Variants in GRID2 observed in about 807,000 individuals in gnomAD.
GRID2 encodes the protein glutamate receptor ionotropic, delta-2.
Under a neutral mutation model 114.8 loss-of-function variants are expected in GRID2, and 33 were observed. That is an observed-to-expected ratio of 0.29 (90% confidence interval 0.22 to 0.38). GRID2 has a LOEUF of 0.38. Ranked by LOEUF, GRID2 falls within the 10% of genes least tolerant of loss-of-function variation. The pLI is 1.00. For missense variants in GRID2, 1,184 were observed against 1,257.7 expected (o/e 0.94, Z 0.89); for synonymous variants, 505 against 449.9 (o/e 1.12, Z -1.55).
chr4:92,502,861 G>A (rs1207166288), intron 1 of GRID2, among the ~76,000 whole-genome samples: 1 of 151,746 alleles, frequency 6.6e-6, no homozygotes, highest in Non-Finnish European at 1.5e-5. Flanking sequence ...GGGATTATAG[G>A]CGCCTGCCAC....
intron 8 of GRID2, among the ~76,000 whole-genome samples, chr4:93,325,403 C>G (rs1757718723): frequency 6.6e-6 from 1 of 152,040 alleles, no homozygotes; most frequent in South Asian, 2.1e-4. Context: ...TCACTCTGCT[C>G]TAATTCTGGA....
At chr4:92,964,906 C>T (rs200085511) in intron 2 of GRID2, among the ~76,000 whole-genome samples, 1 of 152,010 alleles carries the variant, frequency 6.6e-6, no homozygotes, top group East Asian at 1.9e-4. Context: ...TCCGTGTGTT[C>T]ACTATAATAG....
At chr4:93,016,884 A>G (rs1044907372) in intron 2 of GRID2, among the ~76,000 whole-genome samples, 1 of 151,918 alleles carries the variant, frequency 6.6e-6, no homozygotes, top group East Asian at 1.9e-4. Context: ...AATTTTGTCT[A>G]TTTTTTTTAA....
intron 13 of GRID2, among the ~76,000 whole-genome samples, chr4:93,614,842 A>T (rs1213359778): frequency 6.6e-6 from 1 of 152,250 alleles, no homozygotes; most frequent in African/African-American, 2.4e-5. Context: ...CTAATTTAAC[A>T]GATATTAACT....
intron 2 of GRID2, among the ~76,000 whole-genome samples, chr4:92,704,441 A>G (rs1226906089): frequency 6.6e-6 from 1 of 152,196 alleles, no homozygotes; most frequent in Non-Finnish European, 1.5e-5. Flanking sequence ...TGTTAAAATG[A>G]GAACACATTT....
chr4:93,625,850 G>T (rs976918905), intron 13 of GRID2, among the ~76,000 whole-genome samples: 1 of 152,296 alleles, frequency 6.6e-6, no homozygotes, highest in African/African-American at 2.4e-5. Context: ...GGGAGGTGGA[G>T]CTTGCAGTGA....
chr4:92,582,309 T>C (rs1163817551), intron 1 of GRID2, among the ~76,000 whole-genome samples: 1 of 152,020 alleles, frequency 6.6e-6, no homozygotes, highest in Non-Finnish European at 1.5e-5. Context: ...AGAGATTTGT[T>C]CTGAATTCTG....
chr4:93,048,554 T>C (rs1726387171), intron 2 of GRID2, among the ~76,000 whole-genome samples: 1 of 152,036 alleles, frequency 6.6e-6, no homozygotes, highest in Non-Finnish European at 1.5e-5. Flanking sequence ...GAGGAACTTT[T>C]CCCTTTTCAA....
intron 14 of GRID2, among the ~76,000 whole-genome samples, chr4:93,651,534 T>C (rs1722581057): frequency 6.6e-6 from 1 of 152,180 alleles, no homozygotes; most frequent in Non-Finnish European, 1.5e-5. Flanking sequence ...AGGCAGAGCA[T>C]TTAATGGGGA....
intron 8 of GRID2, among the ~76,000 whole-genome samples, chr4:93,269,292 A>G (rs1243036861): frequency 5.3e-5 from 8 of 152,206 alleles, no homozygotes; most frequent in Non-Finnish European, 4.4e-5. Context: ...AAATAGGATC[A>G]GGCATTTTTA....
intron 2 of GRID2, among the ~76,000 whole-genome samples, chr4:92,971,200 A>G (rs1355015843): frequency 1.3e-5 from 2 of 152,068 alleles, no homozygotes; most frequent in African/African-American, 4.8e-5. Context: ...AAATCTCTGT[A>G]GGGAGCATTC....
chr4:93,258,856 C>A lies in GRID2; in HGVS notation c.1245+20366C>A, dbSNP rs139515940. 2.9e-5 allele frequency: 13 copies of A among 452,260 alleles called. 1 individual carries two copies. The highest frequency in any genetic ancestry group is 3.3e-4 in the Middle Eastern group (1 of 3,032). The allele number at this position is 452,260 out of a possible 1,614,324, so 28.0% of individuals were successfully genotyped here. ...TGAAAGTAATTAACAAACACAACTA[C>A]TGCAAGATTCATTTATTATCCTCTC... On this transcript the variant is annotated intron_variant, in intron 8 of 15. Coordinates refer to ENST00000282020, the MANE Select transcript of GRID2 (RefSeq NM_001510.4).
At chr4:92,410,835 A>AT (rs5860274) in intron 1 of GRID2, among the ~76,000 whole-genome samples, 33,241 of 117,820 alleles carry the variant, frequency 0.28, 5,196 homozygotes, top group African/African-American at 0.39. Context: ...CTGCAAAAGC[A>AT]TTTTTTTTTT....
intron 2 of GRID2, among the ~76,000 whole-genome samples, chr4:92,899,331 T>G (rs1449472306): frequency 6.6e-6 from 1 of 152,148 alleles, no homozygotes; most frequent in Non-Finnish European, 1.5e-5. Flanking sequence ...CTATATTATG[T>G]TTTTATTTTT....
intron 14 of GRID2, among the ~76,000 whole-genome samples, chr4:93,727,973 G>T (rs937951929): frequency 2.6e-5 from 4 of 152,040 alleles, no homozygotes; most frequent in Admixed American, 6.6e-5. Context: ...GGTTTTTTGT[G>T]TCTCTATGTC....
At chr4:93,135,476 T>C (rs1382597521) in intron 4 of GRID2, among the ~76,000 whole-genome samples, 3 of 152,200 alleles carry the variant, frequency 2.0e-5, no homozygotes, top group African/African-American at 7.2e-5. Flanking sequence ...ACTTTTTCAC[T>C]TTTTAAAAAT....
intron 3 of GRID2, among the ~76,000 whole-genome samples, chr4:93,089,639 T>G (rs1730609302): frequency 6.6e-6 from 1 of 152,012 alleles, no homozygotes; most frequent in Non-Finnish European, 1.5e-5. Flanking sequence ...AATTTGAGAG[T>G]GCAATATTCC....
chr4:92,721,602 T>C (rs1243612065), intron 2 of GRID2, among the ~76,000 whole-genome samples: 2 of 152,098 alleles, frequency 1.3e-5, no homozygotes, highest in African/African-American at 2.4e-5. Flanking sequence ...AAATCAACTA[T>C]ATAAGGAGTA....
intron 9 of GRID2, among the ~76,000 whole-genome samples, chr4:93,419,836 T>G (rs1768088145): frequency 6.6e-6 from 1 of 152,078 alleles, no homozygotes; most frequent in Non-Finnish European, 1.5e-5. Context: ...ATATAACCAT[T>G]TAGTACACTA....
Sources: allele counts gnomAD v4.1 joint callset (sites outside exome capture counted in the v4.1 genomes callset), GRCh38; gene constraint gnomAD v4.1.1; transcripts MANE v1.5; gene names NCBI Gene and HGNC (gene_info 2026-07-23, HGNC 2026-07-21).